The following CTNNA2 variants were observed in gnomAD, a reference collection of about 807,000 sequenced individuals.
CTNNA2 encodes the protein catenin alpha 2.
A neutral mutation model predicts 101.0 loss-of-function variants in CTNNA2; 42 were observed. The observed-to-expected ratio is 0.42, with a 90% confidence interval of 0.32 to 0.54. The LOEUF (loss-of-function observed/expected upper bound fraction) is 0.54. Ranked by LOEUF, CTNNA2 falls within the 20% of genes least tolerant of loss-of-function variation. The pLI is 0.14. For synonymous variants in CTNNA2, 450 were observed against 456.4 expected, an observed-to-expected ratio of 0.99 and a Z score of 0.18; for missense variants, 871 against 1,223.1, an observed-to-expected ratio of 0.71 and a Z score of 4.29.
chr2:80,157,130 T>A (rs1704035823), intron 7 of CTNNA2, among the ~76,000 whole-genome samples: 1 of 152,142 alleles, frequency 6.6e-6, no homozygotes, highest in South Asian at 2.1e-4. Context: ...TGTTGCAAAC[T>A]TCCTCAATCT....
chr2:79,686,238 T>C (rs527364836), intron 2 of CTNNA2, among the ~76,000 whole-genome samples: 21 of 152,066 alleles, frequency 1.4e-4, no homozygotes, highest in African/African-American at 4.8e-4. Context: ...TTGGACTTTA[T>C]TCTAAAGGCA....
intron 3 of CTNNA2, among the ~76,000 whole-genome samples, chr2:79,320,912 T>A (rs1676606110): frequency 6.6e-6 from 1 of 152,174 alleles, no homozygotes; most frequent in African/African-American, 2.4e-5. Flanking sequence ...GTTAAAGAAT[T>A]ACAATTCTAT....
chr2:80,302,678 C>A lies in CTNNA2; in HGVS notation c.1057-90533C>A. 1 of 1,611,918 alleles carries A rather than the reference C, an allele frequency of 6.2e-7. No homozygotes were observed. Among genetic ancestry groups the A allele is most frequent in the Non-Finnish European group, 8.5e-7 (1 of 1,179,696 alleles). ...GCTGGCAGGGGGCCCCAGATCACTG[C>A]GGTTGGTGACGGCCGAGAGCAGGTG... On this transcript the variant is annotated intron_variant, in intron 7 of 18. Coordinates refer to ENST00000402739, the MANE Select transcript of CTNNA2 (RefSeq NM_001282597.3). This position sits in a 1 kb window ranked among gnomAD's most constrained non-coding sequence, Gnocchi z 6.4.
chr2:80,442,012 C>T (rs60563962), intron 9 of CTNNA2, among the ~76,000 whole-genome samples: 13,727 of 152,272 alleles, frequency 0.09, 1,414 homozygotes, highest in East Asian at 0.54. Context: ...TCTGCACTTG[C>T]AGAGGACTGG....
At chr2:80,004,001 A>G (rs1693149355) in intron 7 of CTNNA2, among the ~76,000 whole-genome samples, 1 of 152,112 alleles carries the variant, frequency 6.6e-6, no homozygotes, top group South Asian at 2.1e-4. Context: ...TAGGGTAGAA[A>G]TTTCTATAGT....
intron 2 of CTNNA2, among the ~76,000 whole-genome samples, chr2:79,739,172 G>GAA (rs1671109394): frequency 1.3e-5 from 2 of 149,734 alleles, no homozygotes; most frequent in East Asian, 2.0e-4. Flanking sequence ...GCCTTGAGTG[G>GAA]AAGTTGAGAG....
Position 80,601,102 on chromosome 2 carries a change from A to C in CTNNA2, c.2190-2972A>C, listed in dbSNP as rs187130355. On this transcript the variant is annotated intron_variant, in intron 15 of 18. Transcript: ENST00000402739. Reference sequence around the variant, plus strand: ...CAGATTTCAAGCTCCCAACATTTCAACTGGCTTGCCCAGTTCCTAAAAACC... The same window carrying C: ...CAGATTTCAAGCTCCCAACATTTCACCTGGCTTGCCCAGTTCCTAAAAACC... 2.8e-4 allele frequency among the ~76,000 whole-genome samples: 43 copies of C among 152,220 alleles called. No homozygotes were observed. The Middle Eastern group carries it at 0.014, about 48-fold the overall frequency.
intron 7 of CTNNA2, among the ~76,000 whole-genome samples, chr2:80,038,709 G>A (rs1045293714): frequency 2.6e-5 from 4 of 152,178 alleles, no homozygotes; most frequent in Admixed American, 2.6e-4. Flanking sequence ...AGCCAGGCTT[G>A]GTGGAGGGTG....
intron 1 of CTNNA2, among the ~76,000 whole-genome samples, chr2:79,629,229 A>G (rs557994461): frequency 6.6e-6 from 1 of 150,866 alleles, no homozygotes; most frequent in East Asian, 2.0e-4. Context: ...GTTAAAAGAT[A>G]TGAAAATAAA....
intron 1 of CTNNA2, among the ~76,000 whole-genome samples, chr2:79,535,315 C>T (rs540515493): frequency 6.6e-6 from 1 of 152,176 alleles, no homozygotes; most frequent in South Asian, 2.1e-4. Flanking sequence ...AGTGATTCTC[C>T]TGCCTCAGCC....
At chr2:79,288,726 AC>A (rs574436881) in intron 2 of CTNNA2, among the ~76,000 whole-genome samples, 66 of 152,244 alleles carry the variant, frequency 4.3e-4, no homozygotes, top group African/African-American at 1.4e-3. Context: ...AGTCTCTTAC[AC>A]CTGGGCCCAG....
At chr2:80,337,994 C>CTT (rs59516673) in intron 7 of CTNNA2, among the ~76,000 whole-genome samples, 74 of 145,308 alleles carry the variant, frequency 5.1e-4, no homozygotes, top group African/African-American at 1.6e-3. Context: ...GTTTACTTTT[C>CTT]TTTTTTTTTT....
At chr2:80,535,782 C>G (rs1690958138) in intron 9 of CTNNA2, among the ~76,000 whole-genome samples, 1 of 152,162 alleles carries the variant, frequency 6.6e-6, no homozygotes, top group African/African-American at 2.4e-5. Context: ...TTTAAGTTTC[C>G]TCTATCCTGT....
chr2:79,996,930 A>G (rs939350395), intron 7 of CTNNA2, among the ~76,000 whole-genome samples: 7 of 152,282 alleles, frequency 4.6e-5, no homozygotes, highest in South Asian at 2.1e-4. Context: ...TGGCTTGCTC[A>G]GAGATGACTA....
intron 1 of CTNNA2, among the ~76,000 whole-genome samples, chr2:79,626,726 A>G (rs1000105983): frequency 2.6e-5 from 4 of 151,590 alleles, no homozygotes; most frequent in Non-Finnish European, 5.9e-5. Context: ...GGGCTGGCTA[A>G]ACAGCCTTGT....
At chr2:79,340,604 C>T (rs1390347148) in intron 3 of CTNNA2, among the ~76,000 whole-genome samples, 6 of 151,986 alleles carry the variant, frequency 3.9e-5, no homozygotes, top group Admixed American at 6.6e-5. Flanking sequence ...GAGGCCAAGG[C>T]GGGCGGATCA....
intron 3 of CTNNA2, among the ~76,000 whole-genome samples, chr2:79,366,440 A>G (rs936841432): frequency 2.6e-5 from 4 of 152,104 alleles, no homozygotes; most frequent in Admixed American, 2.0e-4. Flanking sequence ...TTTCCTAATT[A>G]TGTTCTCTTT....
chr2:79,852,254 G>C (rs1680777380), intron 3 of CTNNA2, among the ~76,000 whole-genome samples: 1 of 152,070 alleles, frequency 6.6e-6, no homozygotes, highest in African/African-American at 2.4e-5. Context: ...TGTTGTCCTT[G>C]GTTATTAAGA....
chr2:80,554,198 G>A (rs956483396), intron 11 of CTNNA2, among the ~76,000 whole-genome samples: 4 of 152,084 alleles, frequency 2.6e-5, no homozygotes, highest in Admixed American at 1.3e-4. Flanking sequence ...TAAAAGTAGG[G>A]GAGATCGGTA....
Sources: gnomAD v4.1 joint callset for allele counts (sites outside exome capture counted in the v4.1 genomes callset) on GRCh38, gnomAD v4.1.1 for gene constraint, Gnocchi (gnomAD v3.1) non-coding constraint, MANE v1.5 for transcripts, NCBI Gene and HGNC (gene_info 2026-07-23, HGNC 2026-07-21) for gene names.